The following EIF2S3 variants were observed in gnomAD, a reference collection of about 807,000 sequenced individuals.
EIF2S3 encodes eukaryotic translation initiation factor 2 subunit gamma, also known as eukaryotic translation initiation factor 2 subunit 3.
Under a neutral mutation model 31.7 loss-of-function variants are expected in EIF2S3, and 2 were observed. The ratio of observed to expected loss-of-function variants is 0.06; its 90% CI spans 0.03 to 0.20. The LOEUF (loss-of-function observed/expected upper bound fraction) is 0.20, where lower values mean the gene tolerates loss of function less well. Among genes scored for constraint, EIF2S3 ranks in the 10% least tolerant of loss-of-function variants. EIF2S3 has a pLI of 1.00. For missense variants in EIF2S3, 96 were observed against 359.3 expected (o/e 0.27, Z 5.92); for synonymous variants, 120 against 126.7 (o/e 0.95, Z 0.36).
chrX:24,066,871 T>C (rs1207840675), intron 8 of EIF2S3, among the ~76,000 whole-genome samples: 1 of 112,083 alleles, frequency 8.9e-6, no homozygotes, highest in East Asian at 2.8e-4. Flanking sequence ...GTTGATTCCA[T>C]GTTTGGCTAT....
chrX:24,072,032 C>T (rs1055731628), intron 10 of EIF2S3, among the ~76,000 whole-genome samples: 1 of 108,970 alleles, frequency 9.2e-6, no homozygotes, highest in Non-Finnish European at 1.9e-5. Context: ...CGCACCAGCA[C>T]GCCCAGCTAA....
chrX:24,060,948 C>CAAAAAAAAA (rs35873085), intron 5 of EIF2S3, among the ~76,000 whole-genome samples: 2 of 24,311 alleles, frequency 8.2e-5, no homozygotes, highest in East Asian at 1.9e-3. Context: ...AACTACATCT[C>CAAAAAAAAA]AAAAAAAAAA....
chrX:24,078,273 G>T lies in EIF2S3; in HGVS notation c.*1488G>T, dbSNP rs1327082062. On this transcript the variant is annotated 3_prime_UTR_variant, in exon 12 of 12. Transcript: ENST00000253039. ...ACTCCTAACCTCAGGTGATCCGCCC[G>T]CCTCTGCCTTCCAAAGTGCTGGGAT... Among the ~76,000 whole-genome samples, 1 of 111,030 alleles carries T rather than the reference G, an allele frequency of 9.0e-6. No individual in the cohort carries two copies. Among genetic ancestry groups the T allele is most frequent in the Non-Finnish European group, 1.9e-5 (1 of 52,981 alleles).
intron 11 of EIF2S3, chrX:24,073,563 G>C (rs1930704865): frequency 7.0e-6 from 1 of 142,914 alleles, no homozygotes; most frequent in African/African-American, 3.1e-5. Flanking sequence ...CGTGGTGGCG[G>C]GCGCCTGTAG....
intron 5 of EIF2S3, among the ~76,000 whole-genome samples, chrX:24,061,229 C>T (rs1305252450): frequency 9.9e-6 from 1 of 100,806 alleles, no homozygotes; most frequent in African/African-American, 3.7e-5. Context: ...TGCACTCCAG[C>T]CTGGGCGACA....
At chrX:24,074,862 C>CCTTTTT (rs1930727533) in intron 11 of EIF2S3, among the ~76,000 whole-genome samples, 1 of 47,474 alleles carries the variant, frequency 2.1e-5, no homozygotes, top group Non-Finnish European at 3.5e-5. Context: ...TTTTCTTCTT[C>CCTTTTT]TTTTTTTTTT....
intron 1 of EIF2S3, 47 bp downstream of exon 1, chrX:24,055,084 G>A: frequency 8.5e-7 from 1 of 1,177,150 alleles, no homozygotes; most frequent in Non-Finnish European, 1.2e-6. Context: ...AGGAGTGGAG[G>A]TGACCGAGCC....
intron 7 of EIF2S3, among the ~76,000 whole-genome samples, chrX:24,064,669 CAT>C (rs1930544038): frequency 9.0e-6 from 1 of 111,566 alleles, no homozygotes; most frequent in Non-Finnish European, 1.9e-5. Context: ...CTCTACTAAA[CAT>C]ATAAAAAATT....
intron 10 of EIF2S3, 29 bp from the exon 11 acceptor site, chrX:24,073,062 G>C: frequency 8.5e-7 from 1 of 1,180,430 alleles, no homozygotes; most frequent in South Asian, 1.9e-5. Flanking sequence ...TGATTTTGGG[G>C]TTTATTTTTC....
At chrX:24,071,871 G>C (rs1930674928) in intron 10 of EIF2S3, 144 bp downstream of exon 10, 1 of 682,602 alleles carries the variant, frequency 1.5e-6, no homozygotes, top group Non-Finnish European at 2.1e-6. Context: ...CAAAATTGAG[G>C]GTTTTTTTTT....
chrX:24,077,455 T>G lies in EIF2S3; in HGVS notation c.*670T>G, dbSNP rs1303832306. 1 of 112,237 alleles carries G rather than the reference T, an allele frequency of 8.9e-6. No homozygotes were observed. The highest frequency in any genetic ancestry group is 1.9e-5 in the Non-Finnish European group (1 of 53,290). 9.2% of individuals were successfully genotyped at this position (112,237 alleles called of 1,213,427 possible). A position where few individuals can be genotyped will look rare whatever the true frequency, so the allele number is the denominator to read the frequency against. Reference sequence around the variant, plus strand: ...CACTGAACCTGTTTGAAATAAAGTTTTTTTTCTTTTTCATGATTCGTCTTT... The same window carrying G: ...CACTGAACCTGTTTGAAATAAAGTTGTTTTTCTTTTTCATGATTCGTCTTT... On this transcript the variant is annotated 3_prime_UTR_variant, in exon 12 of 12. Coordinates refer to ENST00000253039, the MANE Select transcript of EIF2S3 (RefSeq NM_001415.4).
intron 9 of EIF2S3, among the ~76,000 whole-genome samples, chrX:24,069,108 G>T (rs934192763): frequency 6.3e-5 from 7 of 111,482 alleles, no homozygotes; most frequent in Admixed American, 9.6e-5. Context: ...TTGGCTGGGC[G>T]CAGTGTCTCA....
chrX:24,078,489 A>G lies in EIF2S3; in HGVS notation c.*1704A>G, dbSNP rs1234865939. 9.0e-6 allele frequency among the ~76,000 whole-genome samples: 1 copy of G among 111,608 alleles called. No homozygotes were observed. Among genetic ancestry groups the G allele is most frequent in the Admixed American group, 9.6e-5 (1 of 10,390 alleles). ...GGCTTGGAGTAGAATTCAGGCATTGATATCTTTAAAAACTCCCCAGTGTTG... is the reference window on the plus strand; with the variant it reads ...GGCTTGGAGTAGAATTCAGGCATTGGTATCTTTAAAAACTCCCCAGTGTTG... On this transcript the variant is annotated 3_prime_UTR_variant, in exon 12 of 12. Coordinates refer to ENST00000253039, the MANE Select transcript of EIF2S3 (RefSeq NM_001415.4).
intron 5 of EIF2S3, among the ~76,000 whole-genome samples, chrX:24,061,604 T>C (rs1930494510): frequency 9.0e-6 from 1 of 110,569 alleles, no homozygotes; most frequent in Admixed American, 9.8e-5. Flanking sequence ...CATGTTGGTA[T>C]AGTCAGGACA....
At chrX:24,063,199 C>T (rs765451084) in intron 6 of EIF2S3, among the ~76,000 whole-genome samples, 6 of 112,239 alleles carry the variant, frequency 5.3e-5, no homozygotes, top group African/African-American at 9.7e-5. Flanking sequence ...GCCGAGATCA[C>T]GCCATTGCAC....
intron 6 of EIF2S3, among the ~76,000 whole-genome samples, chrX:24,063,335 T>C (rs1196403829): frequency 8.9e-6 from 1 of 112,570 alleles, no homozygotes; most frequent in Non-Finnish European, 1.9e-5. Context: ...GTTGACATTT[T>C]CTCTCTCAGT....
At chrX:24,071,439 C>T (rs1477116082) in intron 9 of EIF2S3, 119 bp from the exon 10 acceptor site, 1 of 740,235 alleles carries the variant, frequency 1.4e-6, no homozygotes, top group Non-Finnish European at 1.9e-6. Flanking sequence ...ATCCACCTGC[C>T]TCGGCCTCCC....
intron 11 of EIF2S3, among the ~76,000 whole-genome samples, chrX:24,074,575 C>T (rs1193634014): frequency 9.0e-6 from 1 of 111,365 alleles, no homozygotes; most frequent in Non-Finnish European, 1.9e-5. Context: ...TTGCCTGAAT[C>T]GAACTTGACT....
At chrX:24,071,482 A>C in intron 9 of EIF2S3, 76 bp from the exon 10 acceptor site, 2 of 1,073,174 alleles carry the variant, frequency 1.9e-6, no homozygotes, top group Non-Finnish European at 2.5e-6. Flanking sequence ...GAGCCACTGC[A>C]CCTGGCCAAC....
Sources: allele counts gnomAD v4.1 joint callset (sites outside exome capture counted in the v4.1 genomes callset), GRCh38; gene constraint gnomAD v4.1.1; transcripts MANE v1.5; gene names NCBI Gene and HGNC (gene_info 2026-07-23, HGNC 2026-07-21).